SCHIP1: variants seen among roughly 807,000 people sequenced by gnomAD.
The protein encoded by SCHIP1 is schwannomin-interacting protein 1.
In SCHIP1, 8 loss-of-function variants were observed where a neutral mutation model predicts 29.7. That is an observed-to-expected ratio of 0.27 (90% CI 0.16 to 0.49). SCHIP1 has a LOEUF of 0.49. Ranked by LOEUF, SCHIP1 falls within the 20% of genes least tolerant of loss-of-function variation. SCHIP1 has a pLI of 0.99. For synonymous variants in SCHIP1, 76 were observed against 94.9 expected, an observed-to-expected ratio of 0.80 and a Z score of 1.16; for missense variants, 193 against 294.6, an observed-to-expected ratio of 0.66 and a Z score of 2.52.
At chr3:159,362,564 T>C in the SCHIP1 span, among the ~76,000 whole-genome samples, 1 of 152,180 alleles carries the variant, frequency 6.6e-6, no homozygotes, top group Non-Finnish European at 1.5e-5. Flanking sequence ...ACCAACCTCA[T>C]TGTTCAGTTG....
chr3:159,548,430 A>G, the SCHIP1 span, among the ~76,000 whole-genome samples: 1 of 151,916 alleles, frequency 6.6e-6, no homozygotes, highest in Non-Finnish European at 1.5e-5. Flanking sequence ...TACAGAATCT[A>G]TATTAATAAA....
At chr3:159,296,142 T>G in the SCHIP1 span, among the ~76,000 whole-genome samples, 1 of 45,628 alleles carries the variant, frequency 2.2e-5, no homozygotes, top group African/African-American at 5.0e-5. Context: ...CTTGCTGCTC[T>G]TTTTTTTTTT....
chr3:159,435,656 A>T, the SCHIP1 span, among the ~76,000 whole-genome samples: 1 of 152,192 alleles, frequency 6.6e-6, no homozygotes, highest in Admixed American at 6.6e-5. Context: ...GACATTATGC[A>T]TGTAAATGTA....
chr3:159,522,177 A>G, the SCHIP1 span, among the ~76,000 whole-genome samples: 3 of 152,246 alleles, frequency 2.0e-5, no homozygotes, highest in African/African-American at 2.4e-5. Flanking sequence ...TTCAATTGCA[A>G]CAAAAATACA....
the SCHIP1 span, among the ~76,000 whole-genome samples, chr3:159,584,927 C>A: frequency 4.6e-3 from 701 of 152,110 alleles, 1 homozygote; most frequent in Admixed American, 8.1e-3. Context: ...TGACTTGGGA[C>A]CTTTGCACTA....
the SCHIP1 span, among the ~76,000 whole-genome samples, chr3:159,762,480 C>T: frequency 3.9e-5 from 6 of 152,218 alleles, no homozygotes; most frequent in Non-Finnish European, 8.8e-5. Context: ...CCCTCTTCTT[C>T]CATCTGGACT....
At chr3:159,425,216 TA>T in the SCHIP1 span, among the ~76,000 whole-genome samples, 1 of 152,194 alleles carries the variant, frequency 6.6e-6, no homozygotes, top group East Asian at 1.9e-4. Flanking sequence ...GTAAATGGCC[TA>T]AATGCTCCAA....
chr3:159,355,441 G>T, the SCHIP1 span, among the ~76,000 whole-genome samples: 3 of 151,948 alleles, frequency 2.0e-5, no homozygotes, highest in Admixed American at 6.6e-5. Context: ...AAACAGCCAG[G>T]GATGAGGACA....
chr3:159,308,791 A>G, the SCHIP1 span, among the ~76,000 whole-genome samples: 4 of 152,236 alleles, frequency 2.6e-5, no homozygotes, highest in Non-Finnish European at 5.9e-5. Flanking sequence ...GATTGGATAA[A>G]GAAAATGTGG....
At chr3:159,545,573 C>T in the SCHIP1 span, among the ~76,000 whole-genome samples, 1 of 145,618 alleles carries the variant, frequency 6.9e-6, no homozygotes, top group Non-Finnish European at 1.5e-5. Context: ...AACTCCCCTT[C>T]ATATATATAT....
chr3:159,700,321 C>T, the SCHIP1 span, among the ~76,000 whole-genome samples: 1 of 152,140 alleles, frequency 6.6e-6, no homozygotes. Flanking sequence ...AAATAAATTA[C>T]CCAGTTTCTC....
At chr3:159,863,199 G>A (rs1282302597) in intron 1 of SCHIP1, among the ~76,000 whole-genome samples, 1 of 152,186 alleles carries the variant, frequency 6.6e-6, no homozygotes, top group Non-Finnish European at 1.5e-5. Flanking sequence ...AATTAGCTGA[G>A]CGTAGTGGCG....
intron 3 of SCHIP1, chr3:159,887,153 A>G (rs1717044996): frequency 6.5e-6 from 1 of 153,002 alleles, no homozygotes; most frequent in Non-Finnish European, 1.5e-5. Flanking sequence ...AGCTAAATCC[A>G]GTTCTTCCCT....
the SCHIP1 span, among the ~76,000 whole-genome samples, chr3:159,441,691 G>A: frequency 5.9e-5 from 9 of 152,108 alleles, no homozygotes; most frequent in African/African-American, 2.2e-4. Flanking sequence ...AATCTGATGA[G>A]GAGTGATAGG....
chr3:159,291,128 A>G, the SCHIP1 span, among the ~76,000 whole-genome samples: 2 of 152,122 alleles, frequency 1.3e-5, no homozygotes. Flanking sequence ...AAAATACACA[A>G]GGAAGGTTCC....
At chr3:159,281,819 G>A in the SCHIP1 span, among the ~76,000 whole-genome samples, 2 of 151,964 alleles carry the variant, frequency 1.3e-5, no homozygotes, top group Non-Finnish European at 2.9e-5. Flanking sequence ...TAGAAAATAT[G>A]AAATGTTAAA....
At chr3:159,878,248 C>T (rs958589284) in intron 2 of SCHIP1, among the ~76,000 whole-genome samples, 1 of 152,066 alleles carries the variant, frequency 6.6e-6, no homozygotes, top group Non-Finnish European at 1.5e-5. Flanking sequence ...GAGGCCAAGG[C>T]AGGTGGATCA....
chr3:159,771,977 A>G, the SCHIP1 span, among the ~76,000 whole-genome samples: 1 of 152,132 alleles, frequency 6.6e-6, no homozygotes, highest in Non-Finnish European at 1.5e-5. Flanking sequence ...ACACTTGAAG[A>G]GCTTCTTGAA....
chr3:159,494,238 G>A, the SCHIP1 span, among the ~76,000 whole-genome samples: 4 of 152,060 alleles, frequency 2.6e-5, no homozygotes, highest in East Asian at 7.7e-4. Context: ...CAGAAGGCAA[G>A]AAATAACTAA....
Sources: gnomAD v4.1 joint callset for allele counts (sites outside exome capture counted in the v4.1 genomes callset) on GRCh38, gnomAD v4.1.1 for gene constraint, MANE v1.5 for transcripts, NCBI Gene and HGNC (gene_info 2026-07-23, HGNC 2026-07-21) for gene names.